HUS1: variants seen among roughly 807,000 people sequenced by gnomAD.
The protein encoded by HUS1 is checkpoint protein HUS1.
Under a neutral mutation model 32.6 loss-of-function variants are expected in HUS1, and 31 were observed. The observed-to-expected ratio is 0.95, with a 90% CI of 0.72 to 1.28. The LOEUF is 1.28. Ranked by LOEUF, HUS1 falls within the 50% of genes most tolerant of loss-of-function variation. HUS1 has a pLI of 0.00. For synonymous variants in HUS1, 123 were observed against 116.6 expected, an observed-to-expected ratio of 1.06 and a Z score of -0.36; for missense variants, 340 against 337.7, an observed-to-expected ratio of 1.01 and a Z score of -0.05.
chr7:47,973,738 T>A (rs938397492), intron 5 of HUS1, among the ~76,000 whole-genome samples: 2 of 152,214 alleles, frequency 1.3e-5, no homozygotes, highest in Non-Finnish European at 2.9e-5. Context: ...CCACAATATT[T>A]CTATGTTTTT....
At chr7:47,977,277 T>C (rs1004720420) in intron 3 of HUS1, among the ~76,000 whole-genome samples, 1 of 152,040 alleles carries the variant, frequency 6.6e-6, no homozygotes, top group Non-Finnish European at 1.5e-5. Flanking sequence ...GGTTTCAGGC[T>C]GGGGAAACAG....
intron 5 of HUS1, chr7:47,971,354 G>C: frequency 5.3e-6 from 2 of 377,642 alleles, no homozygotes; most frequent in South Asian, 3.9e-5. Context: ...CACACGCCCA[G>C]GCTACCAGAC....
At chr7:47,967,777 T>C (rs371636934) in intron 7 of HUS1, 29 bp downstream of exon 7, 1 of 1,599,394 alleles carries the variant, frequency 6.3e-7, no homozygotes, top group African/African-American at 1.4e-5. Flanking sequence ...TGAAAGAATA[T>C]GAAAAACAAA....
chr7:47,967,760 T>A (rs1562585800), intron 7 of HUS1, 46 bp downstream of exon 7: 1 of 1,576,724 alleles, frequency 6.3e-7, no homozygotes, highest in South Asian at 1.2e-5. Flanking sequence ...CTGCAGTATT[T>A]AGAATATGAA....
At chr7:47,977,248 G>C (rs545748455) in intron 3 of HUS1, among the ~76,000 whole-genome samples, 50 of 152,302 alleles carry the variant, frequency 3.3e-4, no homozygotes, top group Non-Finnish European at 6.6e-4. Context: ...GCCATGGGAA[G>C]ACAAGAACAA....
intron 5 of HUS1, among the ~76,000 whole-genome samples, chr7:47,974,904 A>G (rs567186352): frequency 2.0e-5 from 3 of 152,320 alleles, no homozygotes; most frequent in South Asian, 2.1e-4. Context: ...ATGGTGTGGC[A>G]TATCTTTGTC....
In HUS1 at chr7:47,978,816, C is replaced by T; in HGVS notation, c.53G>A (p.Arg18Gln). ...VDGACLNHFT[R>Q]ISNMIAKLAK... ...AAGCTTGGCTATCATGTTACTGATT[C>T]CTAAAGCAGGGGTTAAAATAAGGAA... The change falls in exon 2 of 8, where the codon CGA becomes CAA. Residue 18 changes from arginine to glutamine, a missense_variant and splice_region_variant. Coordinates refer to ENST00000258774, the MANE Select transcript of HUS1 (RefSeq NM_004507.4). 2.5e-6 allele frequency: 4 copies of T among 1,613,354 alleles called. No homozygotes were observed. Among genetic ancestry groups the T allele is most frequent in the Non-Finnish European group, 3.4e-6 (4 of 1,179,828 alleles).
intron 7 of HUS1, among the ~76,000 whole-genome samples, chr7:47,967,231 T>C (rs1788497347): frequency 6.6e-6 from 1 of 152,078 alleles, no homozygotes; most frequent in African/African-American, 2.4e-5. Context: ...TGGCAGGTAA[T>C]GCCTTTCTCA....
intron 4 of HUS1, 169 bp downstream of exon 4, chr7:47,976,561 T>C (rs1312489621): frequency 3.2e-6 from 2 of 634,800 alleles, no homozygotes; most frequent in South Asian, 1.7e-5. Context: ...TTCTATCATA[T>C]GCAACATTTT....
chr7:47,966,032 C>A (rs1475843323), intron 7 of HUS1, among the ~76,000 whole-genome samples: 1 of 150,240 alleles, frequency 6.7e-6, no homozygotes, highest in African/African-American at 2.5e-5. Flanking sequence ...GAAAGCTCTC[C>A]AGCAGATATG....
intron 3 of HUS1, among the ~76,000 whole-genome samples, chr7:47,977,164 G>A (rs1407334790): frequency 1.3e-5 from 2 of 152,166 alleles, no homozygotes; most frequent in African/African-American, 4.8e-5. Context: ...ACAGAGACCA[G>A]GGTGAGTGTG....
intron 1 of HUS1, 102 bp downstream of exon 1, chr7:47,979,366 T>C: frequency 1.1e-6 from 1 of 937,436 alleles, no homozygotes; most frequent in Non-Finnish European, 1.3e-6. Context: ...CCGCGGCCCC[T>C]TCCGGCGCCC....
chr7:47,964,386 CAAGAA>C lies in HUS1; in HGVS notation c.*965_*969del, dbSNP rs1379902871. ...TGAGACCGTCTCAAACAAAACAAAA[CAAGAA>C]AACAAAAGATAATGTTTATCATGTC... On this transcript the variant is annotated 3_prime_UTR_variant, in exon 8 of 8. Coordinates refer to ENST00000258774, the MANE Select transcript of HUS1 (RefSeq NM_004507.4). The C allele has an allele frequency of 6.6e-6, 1 of 152,128 alleles. No individual in the cohort carries two copies. The highest frequency in any genetic ancestry group is 2.4e-5 in the African/African-American group (1 of 41,404). The allele number at this position is 152,128 out of a possible 1,614,324, so 9.4% of individuals were successfully genotyped here. A position where few individuals can be genotyped will look rare whatever the true frequency, so the allele number is the denominator to read the frequency against.
chr7:47,978,921 A>G, intron 1 of HUS1, 105 bp from the exon 2 acceptor site: 1 of 1,188,322 alleles, frequency 8.4e-7, no homozygotes, highest in Non-Finnish European at 1.2e-6. Flanking sequence ...CGGTGGAAAA[A>G]TAACCACTTA....
intron 5 of HUS1, among the ~76,000 whole-genome samples, chr7:47,971,692 A>G (rs1377523491): frequency 6.6e-6 from 1 of 152,194 alleles, no homozygotes; most frequent in Non-Finnish European, 1.5e-5. Flanking sequence ...GCCAGTGTGT[A>G]GTCTGCTGGA....
chr7:47,969,105 C>T lies in HUS1; in HGVS notation c.640+114G>A, dbSNP rs930778473. 60 of 616,256 alleles carry T rather than the reference C, an allele frequency of 9.7e-5. 1 individual carries two copies. The highest frequency in any genetic ancestry group is 1.6e-4 in the Non-Finnish European group (55 of 350,078). The allele number at this position is 616,256 out of a possible 1,614,324, so 38.2% of individuals were successfully genotyped here. On this transcript the variant is annotated intron_variant, in intron 6 of 7. Coordinates refer to ENST00000258774, the MANE Select transcript of HUS1 (RefSeq NM_004507.4). Reference sequence around the variant, plus strand: ...TCAATTCCTTTGTTCTTCACCCAAGCATGAAACAAAGTCAACTGAATTTCA... The same window carrying T: ...TCAATTCCTTTGTTCTTCACCCAAGTATGAAACAAAGTCAACTGAATTTCA...
intron 5 of HUS1, among the ~76,000 whole-genome samples, chr7:47,970,232 CAAA>C (rs777331089): frequency 2.1e-4 from 10 of 47,842 alleles, no homozygotes; most frequent in African/African-American, 5.1e-4. Context: ...GACTCTGTCT[CAAA>C]AAAAAAAAAA....
At chr7:47,973,575 T>C (rs1037928966) in intron 5 of HUS1, among the ~76,000 whole-genome samples, 1 of 152,202 alleles carries the variant, frequency 6.6e-6, no homozygotes, top group Non-Finnish European at 1.5e-5. Flanking sequence ...AAGGTGGGCA[T>C]TTTTAGTGTG....
rs145160524 is a variant in HUS1, at chr7:47,978,426, G to T, written c.348C>A (p.Ser116=). 2.5e-6 allele frequency: 4 copies of T among 1,613,712 alleles called. No homozygotes were observed. The highest frequency in any genetic ancestry group is 1.3e-5 in the African/African-American group (1 of 74,922). ...TGACTCTCCTACTCACCAGCTCCAC[G>T]GAGACCGTGAGGCAGGGAAAGTGTT... ...TNKHFPCLTV[S]VELLSMSSSS... is the part of the protein sequence containing the mutation. Residue 116 remains serine (S), a synonymous_variant, in exon 3 of 8, where the codon TCC becomes TCA. Coordinates refer to ENST00000258774, the MANE Select transcript of HUS1 (RefSeq NM_004507.4).
Sources: allele counts gnomAD v4.1 joint callset (sites outside exome capture counted in the v4.1 genomes callset), GRCh38; gene constraint gnomAD v4.1.1; transcripts MANE v1.5; gene names NCBI Gene and HGNC (gene_info 2026-07-23, HGNC 2026-07-21).